LRBA: variants seen among roughly 807,000 people sequenced by gnomAD.
LRBA encodes LPS responsive beige-like anchor protein.
Under a neutral mutation model 330.0 loss-of-function variants are expected in LRBA, and 176 were observed. The ratio of observed to expected loss-of-function variants is 0.53; its 90% CI spans 0.47 to 0.60. The LOEUF (loss-of-function observed/expected upper bound fraction) is 0.60, where lower values mean the gene tolerates loss of function less well. LRBA is among the 20% of genes least tolerant of loss of function. The probability of loss-of-function intolerance (pLI) is 0.00; values close to 1 mark genes in which losing one functional copy is unlikely to be tolerated. For missense variants in LRBA, 3,259 were observed against 3,444.8 expected (o/e 0.95, Z 1.35); for synonymous variants, 1,230 against 1,193.0 (o/e 1.03, Z -0.64).
At chr4:150,980,620 G>A (rs1275756759) in intron 2 of LRBA, among the ~76,000 whole-genome samples, 2 of 152,012 alleles carry the variant, frequency 1.3e-5, no homozygotes, top group Admixed American at 6.6e-5. Context: ...ACTGCACTTG[G>A]GTGACAGAGT....
At chr4:150,346,767 A>AAAAAAAAAAAAAC (rs1736389736) in intron 48 of LRBA, among the ~76,000 whole-genome samples, 42 of 101,452 alleles carry the variant, frequency 4.1e-4, no homozygotes, top group African/African-American at 1.1e-3. Context: ...CAAAAAAAAA[A>AAAAAAAAAAAAAC]AAAAAAAAAA....
intron 46 of LRBA, among the ~76,000 whole-genome samples, chr4:150,434,452 C>T (rs144044799): frequency 6.6e-6 from 1 of 152,168 alleles, no homozygotes; most frequent in Non-Finnish European, 1.5e-5. Flanking sequence ...TTAGAACCAG[C>T]AGCAGGCAAA....
chr4:150,921,590 G>A (rs1167518607), intron 4 of LRBA, among the ~76,000 whole-genome samples: 2 of 151,370 alleles, frequency 1.3e-5, no homozygotes, highest in Non-Finnish European at 2.9e-5. Flanking sequence ...TTTTTGAGAT[G>A]GAGTCTCACT....
At chr4:150,867,961 C>A in intron 21 of LRBA, 98 bp from the exon 22 acceptor site, 1 of 1,061,866 alleles carries the variant, frequency 9.4e-7, no homozygotes, top group Non-Finnish European at 1.3e-6. Context: ...CCTCCCTTTC[C>A]CCCCGAAAAA....
intron 28 of LRBA, among the ~76,000 whole-genome samples, chr4:150,838,137 G>A (rs1045166770): frequency 1.3e-5 from 2 of 152,184 alleles, no homozygotes; most frequent in African/African-American, 2.4e-5. Context: ...CTTCTGGCTT[G>A]TAGAGTTTCT....
intron 37 of LRBA, among the ~76,000 whole-genome samples, chr4:150,654,088 T>C (rs1288675081): frequency 6.6e-6 from 1 of 152,146 alleles, no homozygotes; most frequent in Non-Finnish European, 1.5e-5. Context: ...TCCTTTGGCT[T>C]CCAATTCAGC....
intron 40 of LRBA, among the ~76,000 whole-genome samples, chr4:150,560,441 T>G (rs1768169052): frequency 6.6e-6 from 1 of 152,146 alleles, no homozygotes; most frequent in Non-Finnish European, 1.5e-5. Context: ...TATCCTGTGA[T>G]GTCCTCTGTG....
In LRBA at chr4:150,828,386, T is replaced by C; in HGVS notation, c.4965A>G (p.Lys1655=). 6.2e-7 allele frequency: 1 copy of C among 1,614,094 alleles called. No individual in the cohort carries two copies. Among genetic ancestry groups the C allele is most frequent in the South Asian group, 1.1e-5 (1 of 91,080 alleles). Residue 1655 remains lysine, a synonymous_variant, in exon 30 of 57, where the codon AAA becomes AAG. Coordinates refer to ENST00000651943, the MANE Select transcript of LRBA (RefSeq NM_001364905.1). ...TGTCCAAGTCATTTCCTCTATCATT[T>C]TTGGTTTCCGGAGACTTATTGACTT... ...SLEVNKSPET[K]NDRGNDLDTK...
intron 48 of LRBA, among the ~76,000 whole-genome samples, chr4:150,332,803 C>A (rs1006474784): frequency 1.3e-5 from 2 of 152,038 alleles, no homozygotes; most frequent in African/African-American, 4.8e-5. Flanking sequence ...ATAAAAAAGA[C>A]TATGCAAATA....
chr4:150,384,523 A>G (rs1742768437), intron 47 of LRBA, among the ~76,000 whole-genome samples: 1 of 152,232 alleles, frequency 6.6e-6, no homozygotes. Flanking sequence ...GTTATGAAAC[A>G]GCATCTAACT....
In LRBA at chr4:150,844,108, T is replaced by C. The variant is rs1327328021; in HGVS notation, c.4561A>G (p.Arg1521Gly). 4.4e-6 allele frequency: 7 copies of C among 1,601,450 alleles called. No individual in the cohort carries two copies. The highest frequency in any genetic ancestry group is 8.5e-7 in the Non-Finnish European group (1 of 1,169,708). ...GACATATTGTAACTTACTATGTCTCTGAAAACAACTGCCCTAAGCCGATTA... is the reference window on the plus strand; with the variant it reads ...GACATATTGTAACTTACTATGTCTCCGAAAACAACTGCCCTAAGCCGATTA... ...DINRLRAVVF[R>G]DIEDSKQAQF... is the part of the protein sequence containing the mutation. The change falls in exon 28 of 57, where the codon AGA becomes GGA. Residue 1521 changes from arginine to glycine, a missense_variant. Transcript: ENST00000651943.
chr4:150,357,070 C>A (rs546924394), intron 47 of LRBA, among the ~76,000 whole-genome samples: 10 of 151,944 alleles, frequency 6.6e-5, no homozygotes, highest in Non-Finnish European at 1.0e-4. Flanking sequence ...TACTGAAGTT[C>A]AGCCTGAAAA....
At chr4:150,579,791 G>T (rs1159922275) in intron 40 of LRBA, 1 of 452,070 alleles carries the variant, frequency 2.2e-6, no homozygotes, top group Non-Finnish European at 4.4e-6. Context: ...AACCAACTCC[G>T]CCACCCCTGA....
intron 35 of LRBA, among the ~76,000 whole-genome samples, chr4:150,749,282 C>T (rs1243789934): frequency 6.6e-6 from 1 of 151,992 alleles, no homozygotes; most frequent in Admixed American, 6.6e-5. Flanking sequence ...TACATCAAAA[C>T]TTCTGGGCCA....
chr4:150,359,831 T>C (rs753928306), intron 47 of LRBA, among the ~76,000 whole-genome samples: 4 of 151,766 alleles, frequency 2.6e-5, no homozygotes, highest in Non-Finnish European at 5.9e-5. Flanking sequence ...ATACAAAAAA[T>C]TAGCTGGGCG....
At position 150,690,267 on chromosome 4, in the gene LRBA, G is replaced by T. The variant is rs867514421; in HGVS notation, c.5755-6550C>A. Among the ~76,000 whole-genome samples the T allele has an allele frequency of 5.9e-5, 9 of 152,060 alleles. 1 individual carries two copies. The highest frequency in any genetic ancestry group is 1.9e-4 in the East Asian group (1 of 5,192). On this transcript the variant is annotated intron_variant, in intron 36 of 56. Coordinates refer to ENST00000651943, the MANE Select transcript of LRBA (RefSeq NM_001364905.1). ...GCCTCTAATCCCAGCACTTTGGGAG[G>T]CCGAGGCAGGTAGATCACAAGGTCA...
At chr4:150,679,985 C>A (rs1367226060) in intron 37 of LRBA, among the ~76,000 whole-genome samples, 2 of 152,128 alleles carry the variant, frequency 1.3e-5, no homozygotes, top group Non-Finnish European at 2.9e-5. Context: ...TCCATCATCT[C>A]TCCTCATCCT....
intron 2 of LRBA, among the ~76,000 whole-genome samples, chr4:150,985,861 C>G (rs1171215175): frequency 6.6e-6 from 1 of 152,032 alleles, no homozygotes; most frequent in Non-Finnish European, 1.5e-5. Flanking sequence ...AATAAAATAC[C>G]TAAGAATGAT....
intron 40 of LRBA, chr4:150,581,545 T>TAAA (rs35940180): frequency 6.6e-5 from 12 of 180,774 alleles, no homozygotes; most frequent in South Asian, 1.0e-4. Context: ...TAGAATCATT[T>TAAA]AAAAAAAAAA....
Sources: gnomAD v4.1 joint callset for allele counts (sites outside exome capture counted in the v4.1 genomes callset) on GRCh38, gnomAD v4.1.1 for gene constraint, MANE v1.5 for transcripts, NCBI Gene and HGNC (gene_info 2026-07-23, HGNC 2026-07-21) for gene names.